The following GPHN variants were observed in gnomAD, a reference collection of about 807,000 sequenced individuals.
GPHN encodes the protein gephyrin.
A neutral mutation model predicts 95.5 loss-of-function variants in GPHN; 17 were observed. The observed-to-expected ratio is 0.18, with a 90% CI of 0.12 to 0.27. The LOEUF is 0.27. GPHN is among the 10% of genes least tolerant of loss of function. The pLI, the probability that GPHN is intolerant of heterozygous loss-of-function variation, is 1.00. For synonymous variants in GPHN, 320 were observed against 322.5 expected (o/e 0.99, Z 0.08); for missense variants, 660 against 978.1 (o/e 0.67, Z 4.34).
At chr14:67,178,942 C>T (rs2083169860) in intron 21 of GPHN, among the ~76,000 whole-genome samples, 1 of 152,060 alleles carries the variant, frequency 6.6e-6, no homozygotes, top group Non-Finnish European at 1.5e-5. Context: ...AAAAAAATGC[C>T]AACCAGAAAT....
At chr14:66,582,405 T>C (rs1315619713) in intron 1 of GPHN, among the ~76,000 whole-genome samples, 1 of 152,062 alleles carries the variant, frequency 6.6e-6, no homozygotes, top group African/African-American at 2.4e-5. Context: ...TTATTTTACT[T>C]TAAGTTTTAG....
chr14:67,324,426 T>C, the GPHN span, among the ~76,000 whole-genome samples: 1 of 151,896 alleles, frequency 6.6e-6, no homozygotes, highest in Non-Finnish European at 1.5e-5. Context: ...TTCTTCCTTG[T>C]TTTTTTTGCT....
At chr14:66,618,144 A>T (rs1192131748) in intron 1 of GPHN, among the ~76,000 whole-genome samples, 1 of 152,010 alleles carries the variant, frequency 6.6e-6, no homozygotes, top group Non-Finnish European at 1.5e-5. Context: ...TACAATATTG[A>T]ATAGAAGTGG....
At chr14:66,549,671 T>C (rs1409720942) in intron 1 of GPHN, among the ~76,000 whole-genome samples, 1 of 152,180 alleles carries the variant, frequency 6.6e-6, no homozygotes, top group Non-Finnish European at 1.5e-5. Context: ...TGAAGCAGCC[T>C]TATATATTGA....
intron 8 of GPHN, among the ~76,000 whole-genome samples, chr14:66,947,727 G>T (rs2067849020): frequency 6.6e-6 from 1 of 152,192 alleles, no homozygotes; most frequent in South Asian, 2.1e-4. Flanking sequence ...GGAGGCTGAG[G>T]TGGAGGGATT....
chr14:67,345,864 T>C, the GPHN span: 1 of 1,611,456 alleles, frequency 6.2e-7, no homozygotes, highest in African/African-American at 1.3e-5. Flanking sequence ...AACCAGTCAG[T>C]TCATAACCTG....
At chr14:67,164,270 CAAAAAAA>C (rs780524695) in intron 19 of GPHN, among the ~76,000 whole-genome samples, 813 of 46,656 alleles carry the variant, frequency 0.017, 6 homozygotes, top group African/African-American at 0.067. Flanking sequence ...ACTCCATCTC[CAAAAAAA>C]AAAAAAAAAA....
the GPHN span, among the ~76,000 whole-genome samples, chr14:67,392,151 A>G: frequency 6.6e-6 from 1 of 152,176 alleles, no homozygotes; most frequent in African/African-American, 2.4e-5. Context: ...GAGTGTGGGC[A>G]TATGCCTGTT....
chr14:67,168,830 A>C, intron 20 of GPHN, 103 bp from the exon 21 acceptor site: 1 of 805,646 alleles, frequency 1.2e-6, no homozygotes, highest in South Asian at 1.4e-5. Flanking sequence ...AATAGTGCCT[A>C]GTCACTTCCG....
chr14:67,388,039 T>C, the GPHN span, among the ~76,000 whole-genome samples: 1 of 152,224 alleles, frequency 6.6e-6, no homozygotes, highest in Non-Finnish European at 1.5e-5. Context: ...CTTAGTTGTA[T>C]TCTTAAAACG....
At chr14:67,313,142 C>T in the GPHN span, among the ~76,000 whole-genome samples, 23,787 of 152,056 alleles carry the variant, frequency 0.16, 3,531 homozygotes, top group East Asian at 0.42. Context: ...AGGGCAGAAA[C>T]AGGATGCTCC....
the GPHN span, among the ~76,000 whole-genome samples, chr14:67,700,788 G>T: frequency 6.6e-6 from 1 of 151,838 alleles, no homozygotes; most frequent in South Asian, 2.1e-4. Flanking sequence ...ACTTCGGGAG[G>T]CCGAGGCGGG....
At chr14:66,650,013 C>G (rs2064961354) in intron 1 of GPHN, among the ~76,000 whole-genome samples, 1 of 151,766 alleles carries the variant, frequency 6.6e-6, no homozygotes, top group African/African-American at 2.4e-5. Flanking sequence ...TAAGTAAAAG[C>G]CAAACATCAC....
Position 66,594,461 on chromosome 14 carries a change from AAGC to A in GPHN, c.64+85873_64+85875del, listed in dbSNP as rs544641323. Among the ~76,000 whole-genome samples the A allele has an allele frequency of 8.5e-5, 13 of 152,330 alleles. No homozygotes were observed. The East Asian group carries it at 2.3e-3, about 27-fold the overall frequency. ...TCAAAACAGCATGGTGCTGGCATAA[AAGC>A]AGACACACAGACTTACAGGATAGAA... On this transcript the variant is annotated intron_variant, in intron 1 of 22. Transcript: ENST00000478722.
intron 2 of GPHN, among the ~76,000 whole-genome samples, chr14:66,735,552 A>C (rs1277257638): frequency 1.3e-5 from 2 of 152,300 alleles, no homozygotes; most frequent in African/African-American, 4.8e-5. Context: ...CTAATTTGTT[A>C]GGATATAAAA....
intron 6 of GPHN, among the ~76,000 whole-genome samples, chr14:66,916,368 G>T (rs561889658): frequency 6.6e-6 from 1 of 151,782 alleles, no homozygotes; most frequent in East Asian, 1.9e-4. Flanking sequence ...AGCTTCCCTT[G>T]TCCTCTCCTT....
the GPHN span, chr14:67,729,281 T>C: frequency 1.9e-6 from 3 of 1,605,644 alleles, no homozygotes; most frequent in Admixed American, 1.7e-5. Flanking sequence ...CTCTGGCGGC[T>C]CTTCTCCCCC....
the GPHN span, chr14:67,359,573 A>G: frequency 6.9e-7 from 1 of 1,459,656 alleles, no homozygotes; most frequent in East Asian, 2.3e-5. Flanking sequence ...GGAAACAAGG[A>G]CCCTCACTGT....
chr14:67,205,207 G>A, the GPHN span: 7 of 999,918 alleles, frequency 7.0e-6, no homozygotes, highest in South Asian at 1.8e-5. Context: ...TACCTACTCC[G>A]AGAAACCTAA....
Sources: allele counts gnomAD v4.1 joint callset (sites outside exome capture counted in the v4.1 genomes callset), GRCh38; gene constraint gnomAD v4.1.1; transcripts MANE v1.5; gene names NCBI Gene and HGNC (gene_info 2026-07-23, HGNC 2026-07-21).